Variants in PDSS2 observed in about 807,000 individuals in gnomAD.
The protein encoded by PDSS2 is decaprenyl diphosphate synthase subunit 2.
Under a neutral mutation model 44.5 loss-of-function variants are expected in PDSS2, and 31 were observed. The ratio of observed to expected loss-of-function variants is 0.70; its 90% CI spans 0.52 to 0.94. The LOEUF is 0.94. Ranked by LOEUF, PDSS2 falls within the 40% of genes least tolerant of loss-of-function variation. The pLI is 0.00. For missense variants in PDSS2, 452 were observed against 482.2 expected, an observed-to-expected ratio of 0.94 and a Z score of 0.59; for synonymous variants, 157 against 180.3, an observed-to-expected ratio of 0.87 and a Z score of 1.03.
rs1771599884 is a variant in PDSS2 at position 107,172,092 on chromosome 6, T to C, written c.1042-17315A>G. Among the ~76,000 whole-genome samples the C allele has an allele frequency of 6.6e-5, 10 of 152,178 alleles. No homozygotes were observed. The South Asian group carries it at 2.1e-3, about 32-fold the overall frequency. ...GCAGTATCACCTGAAATAAATTAAGTCCAAATCCCCTGCTAGGGGATCCAA... is the reference window on the plus strand; with the variant it reads ...GCAGTATCACCTGAAATAAATTAAGCCCAAATCCCCTGCTAGGGGATCCAA... On this transcript the variant is annotated intron_variant, in intron 7 of 7. Transcript: ENST00000369037.
At chr6:107,295,537 T>C (rs2115038947) in intron 2 of PDSS2, among the ~76,000 whole-genome samples, 1 of 152,322 alleles carries the variant, frequency 6.6e-6, no homozygotes, top group East Asian at 1.9e-4. Context: ...GACTGTTTCA[T>C]GTAATACCTC....
At chr6:107,289,707 G>A (rs1776282324) in intron 2 of PDSS2, among the ~76,000 whole-genome samples, 1 of 152,110 alleles carries the variant, frequency 6.6e-6, no homozygotes, top group African/African-American at 2.4e-5. Context: ...AAAACAAAAA[G>A]AAATGGAATA....
At chr6:107,436,702 G>A (rs1462866909) in intron 1 of PDSS2, among the ~76,000 whole-genome samples, 1 of 152,090 alleles carries the variant, frequency 6.6e-6, no homozygotes, top group Non-Finnish European at 1.5e-5. Flanking sequence ...GTATTACATA[G>A]TTTCAAATAG....
chr6:107,278,792 T>TA (rs979264665), intron 2 of PDSS2, among the ~76,000 whole-genome samples: 2 of 152,154 alleles, frequency 1.3e-5, no homozygotes, highest in Admixed American at 1.3e-4. Context: ...GTCTGCCATT[T>TA]AAAAAAACCT....
intron 1 of PDSS2, among the ~76,000 whole-genome samples, chr6:107,442,568 G>T (rs1363766275): frequency 6.6e-6 from 1 of 152,132 alleles, no homozygotes; most frequent in Non-Finnish European, 1.5e-5. Context: ...TCCAACTCTA[G>T]CCTTAGTGTT....
chr6:107,262,010 G>A (rs1445750835), intron 3 of PDSS2, among the ~76,000 whole-genome samples: 12 of 145,948 alleles, frequency 8.2e-5, no homozygotes, highest in African/African-American at 2.8e-4. Flanking sequence ...CCTGGTTCAC[G>A]CCATTCTCCC....
At chr6:107,358,182 T>A (rs561203206) in intron 1 of PDSS2, among the ~76,000 whole-genome samples, 218 of 152,312 alleles carry the variant, frequency 1.4e-3, no homozygotes, top group Middle Eastern at 3.4e-3. Context: ...TGAAATTACC[T>A]TCGGACTAGG....
intron 1 of PDSS2, among the ~76,000 whole-genome samples, chr6:107,353,835 T>C (rs544092225): frequency 7.2e-5 from 11 of 152,174 alleles, no homozygotes; most frequent in Non-Finnish European, 1.2e-4. Flanking sequence ...ATTTAAAATG[T>C]ATTTTTCTAT....
chr6:107,443,458 C>CTTTTTTTTTTTTTT (rs1781569486), intron 1 of PDSS2, among the ~76,000 whole-genome samples: 1 of 152,176 alleles, frequency 6.6e-6, no homozygotes, highest in African/African-American at 2.4e-5. Context: ...CCTATATATT[C>CTTTTTTTTTTTTTT]ATTTACGCTG....
chr6:107,436,806 A>G (rs1395549188), intron 1 of PDSS2, among the ~76,000 whole-genome samples: 1 of 152,222 alleles, frequency 6.6e-6, no homozygotes, highest in Non-Finnish European at 1.5e-5. Flanking sequence ...CATACATTAT[A>G]TGTATCAAAA....
intron 1 of PDSS2, among the ~76,000 whole-genome samples, chr6:107,414,705 G>A (rs1208347481): frequency 6.6e-6 from 1 of 152,188 alleles, no homozygotes; most frequent in African/African-American, 2.4e-5. Context: ...AAGCATATGG[G>A]CTTCCCCAGC....
intron 2 of PDSS2, among the ~76,000 whole-genome samples, chr6:107,297,837 C>T (rs1017746064): frequency 6.6e-6 from 1 of 152,174 alleles, no homozygotes; most frequent in South Asian, 2.1e-4. Context: ...CCTCCACCTC[C>T]CAGGTTCTAG....
chr6:107,328,378 G>A (rs1429907824), intron 2 of PDSS2, among the ~76,000 whole-genome samples: 1 of 152,098 alleles, frequency 6.6e-6, no homozygotes, highest in African/African-American at 2.4e-5. Flanking sequence ...CTTAATGTGG[G>A]ACCTCGGAAA....
At chr6:107,317,680 A>T (rs2250383) in intron 2 of PDSS2, among the ~76,000 whole-genome samples, 1 of 152,082 alleles carries the variant, frequency 6.6e-6, no homozygotes, top group Non-Finnish European at 1.5e-5. Flanking sequence ...TAAAAATAAA[A>T]GCTCCCAATA....
intron 7 of PDSS2, among the ~76,000 whole-genome samples, chr6:107,186,997 G>C (rs747097824): frequency 2.6e-5 from 4 of 152,170 alleles, no homozygotes; most frequent in Admixed American, 2.0e-4. Flanking sequence ...CACTAAGTGT[G>C]ATGCCTATAT....
intron 1 of PDSS2, among the ~76,000 whole-genome samples, chr6:107,382,986 A>G (rs1013493859): frequency 3.3e-5 from 5 of 152,048 alleles, no homozygotes; most frequent in Non-Finnish European, 5.9e-5. Context: ...TGGACCCTTA[A>G]CTCATACCAT....
At chr6:107,423,141 T>G (rs1217451894) in intron 1 of PDSS2, among the ~76,000 whole-genome samples, 1 of 152,164 alleles carries the variant, frequency 6.6e-6, no homozygotes, top group Non-Finnish European at 1.5e-5. Context: ...TTGCTCATCA[T>G]GAAGTTGATA....
chr6:107,210,653 A>G (rs1773167186), intron 5 of PDSS2, 83 bp from the exon 6 acceptor site: 1 of 900,068 alleles, frequency 1.1e-6, no homozygotes, highest in Admixed American at 1.8e-5. Context: ...GTACCAGTTA[A>G]TGCAGTGAAA....
At chr6:107,435,348 T>C (rs1326714559) in intron 1 of PDSS2, among the ~76,000 whole-genome samples, 2 of 151,574 alleles carry the variant, frequency 1.3e-5, no homozygotes, top group Non-Finnish European at 2.9e-5. Context: ...AATGACCTCC[T>C]TTTTGTGTAC....
Sources: allele counts gnomAD v4.1 joint callset (sites outside exome capture counted in the v4.1 genomes callset), GRCh38; gene constraint gnomAD v4.1.1; transcripts MANE v1.5; gene names NCBI Gene and HGNC (gene_info 2026-07-23, HGNC 2026-07-21).